FANCL: variants seen among roughly 807,000 people sequenced by gnomAD.
The protein encoded by FANCL is FA complementation group L, also known as E3 ubiquitin-protein ligase FANCL.
In FANCL, 69 loss-of-function variants were observed where a neutral mutation model predicts 59.4. The ratio of observed to expected loss-of-function variants is 1.16; its 90% confidence interval spans 0.96 to 1.42. The LOEUF (loss-of-function observed/expected upper bound fraction) is 1.42. FANCL is among the 40% of genes most tolerant of loss of function. FANCL has a pLI of 0.00. For synonymous variants in FANCL, 180 were observed against 147.1 expected, an observed-to-expected ratio of 1.22 and a Z score of -1.62; for missense variants, 519 against 447.2, an observed-to-expected ratio of 1.16 and a Z score of -1.45.
At chr2:58,167,860 G>A (rs6729598) in intron 7 of FANCL, among the ~76,000 whole-genome samples, 4,945 of 152,116 alleles carry the variant, frequency 0.033, 281 homozygotes, top group African/African-American at 0.11. Flanking sequence ...CGAACTTAGG[G>A]GGTAGACATC....
intron 5 of FANCL, among the ~76,000 whole-genome samples, chr2:58,205,373 G>T (rs1233501892): frequency 6.7e-6 from 1 of 149,332 alleles, no homozygotes; most frequent in Non-Finnish European, 1.5e-5. Flanking sequence ...AACTATTCTA[G>T]AAAGTGTTTT....
chr2:58,159,411 T>C lies in FANCL; in HGVS notation c.*354A>G. 4 of 1,613,478 alleles carry C rather than the reference T, an allele frequency of 2.5e-6. No homozygotes were observed. Among genetic ancestry groups the C allele is most frequent in the Non-Finnish European group, 3.4e-6 (4 of 1,179,682 alleles). ...AAGAACCTTTGAATGAAGTAAACAG[T>C]TTCCCACAAAAAATCAGCTATACAC... On this transcript the variant is annotated 3_prime_UTR_variant, in exon 14 of 14. Coordinates refer to ENST00000233741, the MANE Select transcript of FANCL (RefSeq NM_018062.4).
At chr2:58,184,937 G>A (rs930350520) in intron 7 of FANCL, among the ~76,000 whole-genome samples, 7 of 152,092 alleles carry the variant, frequency 4.6e-5, no homozygotes, top group African/African-American at 1.4e-4. Context: ...GCAAAGGTCC[G>A]TGTTGAAGGC....
intron 6 of FANCL, among the ~76,000 whole-genome samples, chr2:58,201,034 T>C (rs1222815861): frequency 6.6e-6 from 1 of 150,794 alleles, no homozygotes. Context: ...TAAGTCTGGA[T>C]GATTTATCAT....
Position 58,177,354 on chromosome 2 carries a change from C to A in FANCL, c.541-11480G>T, listed in dbSNP as rs536790135. 3.9e-5 allele frequency among the ~76,000 whole-genome samples: 6 copies of A among 152,176 alleles called. No individual in the cohort carries two copies. In the South Asian group the frequency reaches 8.3e-4, roughly 21 times the overall value. ...CATCTATGTTTATTGCAGCACTATTCACAACAGCAAAGACTTGGAACCAAC... is the reference window on the plus strand; with the variant it reads ...CATCTATGTTTATTGCAGCACTATTAACAACAGCAAAGACTTGGAACCAAC... On this transcript the variant is annotated intron_variant, in intron 7 of 13. Transcript: ENST00000233741.
chr2:58,180,510 G>A (rs1045882197), intron 7 of FANCL, among the ~76,000 whole-genome samples: 6 of 152,100 alleles, frequency 3.9e-5, no homozygotes, highest in African/African-American at 7.2e-5. Context: ...TGAACAATGA[G>A]AACACATGGA....
intron 5 of FANCL, among the ~76,000 whole-genome samples, chr2:58,217,175 T>G (rs377723951): frequency 2.6e-3 from 32 of 12,378 alleles, no homozygotes; most frequent in East Asian, 7.4e-3. Flanking sequence ...TTTATATATA[T>G]ATATATATAT....
intron 5 of FANCL, among the ~76,000 whole-genome samples, chr2:58,208,978 A>T (rs1690861976): frequency 2.6e-5 from 4 of 152,186 alleles, no homozygotes. Flanking sequence ...AAGTCAAAAA[A>T]TAAATTGCAC....
intron 2 of FANCL, 145 bp downstream of exon 2, chr2:58,231,909 G>T: frequency 1.4e-6 from 1 of 709,848 alleles, no homozygotes; most frequent in Non-Finnish European, 2.5e-6. Context: ...CATTGGTTTG[G>T]AAAAATCAGA....
chr2:58,176,007 C>T (rs1687260048), intron 7 of FANCL, among the ~76,000 whole-genome samples: 1 of 152,250 alleles, frequency 6.6e-6, no homozygotes, highest in South Asian at 2.1e-4. Context: ...ACAGCCAAAT[C>T]ATGAGTGAAC....
intron 7 of FANCL, among the ~76,000 whole-genome samples, chr2:58,179,178 A>G (rs61405992): frequency 0.053 from 7,999 of 152,266 alleles, 303 homozygotes; most frequent in African/African-American, 0.097. Context: ...TATAGATTCA[A>G]TGCTATCCCC....
chr2:58,210,826 C>T (rs1001019877), intron 5 of FANCL, among the ~76,000 whole-genome samples: 1 of 152,176 alleles, frequency 6.6e-6, no homozygotes, highest in East Asian at 1.9e-4. Flanking sequence ...AAATGATCTC[C>T]TTTGACTCCA....
intron 6 of FANCL, among the ~76,000 whole-genome samples, chr2:58,203,289 A>G (rs1208835929): frequency 6.6e-6 from 1 of 151,868 alleles, no homozygotes; most frequent in East Asian, 1.9e-4. Flanking sequence ...TTTAGATATT[A>G]ATTTTCTCTT....
intron 5 of FANCL, among the ~76,000 whole-genome samples, chr2:58,210,757 G>C (rs1245976845): frequency 1.3e-5 from 2 of 152,032 alleles, no homozygotes; most frequent in African/African-American, 4.8e-5. Flanking sequence ...CAAAACAAAG[G>C]AGCTACAGGC....
At chr2:58,202,039 A>G (rs1345397137) in intron 6 of FANCL, among the ~76,000 whole-genome samples, 1 of 151,752 alleles carries the variant, frequency 6.6e-6, no homozygotes, top group Non-Finnish European at 1.5e-5. Context: ...CTTAACATAC[A>G]GTTAACGTTT....
chr2:58,240,350 T>G (rs1439200786), intron 1 of FANCL, among the ~76,000 whole-genome samples: 4 of 152,148 alleles, frequency 2.6e-5, no homozygotes, highest in African/African-American at 9.7e-5. Flanking sequence ...GGGCACAAGG[T>G]TGAGTGTAAT....
chr2:58,159,994 G>C (rs1038814625), intron 13 of FANCL, 114 bp downstream of exon 13: 4 of 1,551,314 alleles, frequency 2.6e-6, no homozygotes, highest in Non-Finnish European at 2.6e-6. Context: ...TAGAAATACA[G>C]AGAATGAGTT....
chr2:58,216,972 A>C (rs1322612180), intron 5 of FANCL, among the ~76,000 whole-genome samples: 2 of 151,084 alleles, frequency 1.3e-5, no homozygotes, highest in African/African-American at 4.9e-5. Flanking sequence ...AATATTTTTA[A>C]AAAATTATTT....
At chr2:58,196,497 C>T (rs916672253) in intron 7 of FANCL, among the ~76,000 whole-genome samples, 1 of 151,880 alleles carries the variant, frequency 6.6e-6, no homozygotes. Flanking sequence ...TACTACAAAA[C>T]AAAACTTGTA....
Sources: gnomAD v4.1 joint callset for allele counts (sites outside exome capture counted in the v4.1 genomes callset) on GRCh38, gnomAD v4.1.1 for gene constraint, MANE v1.5 for transcripts, NCBI Gene and HGNC (gene_info 2026-07-23, HGNC 2026-07-21) for gene names.